Variants in PPARGC1A observed in about 807,000 individuals in gnomAD.
PPARGC1A encodes PPARG coactivator 1 alpha, also known as peroxisome proliferator-activated receptor gamma coactivator 1-alpha.
PPARGC1A carries 25 observed loss-of-function variants against 88.7 expected under a neutral mutation model. The observed-to-expected ratio is 0.28, with a 90% confidence interval of 0.21 to 0.39. The LOEUF is 0.39. PPARGC1A is among the 10% of genes least tolerant of loss of function. PPARGC1A has a pLI of 1.00. For missense variants in PPARGC1A, 880 were observed against 968.7 expected (o/e 0.91, Z 1.22); for synonymous variants, 363 against 355.6 (o/e 1.02, Z -0.24).
At chr4:23,911,395 C>A in the PPARGC1A span, among the ~76,000 whole-genome samples, 1 of 152,116 alleles carries the variant, frequency 6.6e-6, no homozygotes, top group Non-Finnish European at 1.5e-5. Flanking sequence ...CAGGGGGCAG[C>A]GATGCGAACA....
the PPARGC1A span, among the ~76,000 whole-genome samples, chr4:24,032,469 C>T: frequency 2.0e-5 from 3 of 152,222 alleles, no homozygotes; most frequent in Non-Finnish European, 2.9e-5. Context: ...TACCATTCCT[C>T]CTGACTTGTA....
chr4:24,259,698 T>C, the PPARGC1A span, among the ~76,000 whole-genome samples: 3 of 152,204 alleles, frequency 2.0e-5, no homozygotes, highest in South Asian at 2.1e-4. Flanking sequence ...TAAATTCTAG[T>C]GTGAAGGCAC....
chr4:24,212,561 G>C, the PPARGC1A span, among the ~76,000 whole-genome samples: 1 of 152,114 alleles, frequency 6.6e-6, no homozygotes, highest in Non-Finnish European at 1.5e-5. Context: ...CTGGTGCCTG[G>C]TATACTCTCA....
At chr4:24,400,074 C>T in the PPARGC1A span, among the ~76,000 whole-genome samples, 1 of 152,156 alleles carries the variant, frequency 6.6e-6, no homozygotes, top group Admixed American at 6.5e-5. Context: ...GTGTGAGCCA[C>T]CACACCTGGG....
At chr4:24,140,034 C>T in the PPARGC1A span, among the ~76,000 whole-genome samples, 1 of 152,186 alleles carries the variant, frequency 6.6e-6, no homozygotes, top group African/African-American at 2.4e-5. Context: ...TCTCCAGGTA[C>T]CATGCCCACC....
At chr4:24,248,583 G>A in the PPARGC1A span, among the ~76,000 whole-genome samples, 3 of 152,070 alleles carry the variant, frequency 2.0e-5, no homozygotes, top group Non-Finnish European at 4.4e-5. Flanking sequence ...CTCCCCCAGC[G>A]ACCATGACAC....
the PPARGC1A span, among the ~76,000 whole-genome samples, chr4:24,409,044 G>A: frequency 1.6e-4 from 24 of 152,318 alleles, no homozygotes; most frequent in Non-Finnish European, 2.9e-4. Context: ...CCCACGTGCT[G>A]CTAAGGCTAA....
the PPARGC1A span, among the ~76,000 whole-genome samples, chr4:24,118,239 A>C: frequency 6.6e-6 from 1 of 152,170 alleles, no homozygotes; most frequent in Non-Finnish European, 1.5e-5. Context: ...TTTATGGGCC[A>C]AGGCAGGGAC....
At chr4:23,928,748 A>G in the PPARGC1A span, among the ~76,000 whole-genome samples, 1 of 79,614 alleles carries the variant, frequency 1.3e-5, no homozygotes, top group African/African-American at 4.6e-5. Context: ...GTACTTATCC[A>G]GCCACAAAAA....
At chr4:24,295,728 G>A in the PPARGC1A span, among the ~76,000 whole-genome samples, 1 of 149,522 alleles carries the variant, frequency 6.7e-6, no homozygotes, top group Non-Finnish European at 1.5e-5. Flanking sequence ...CGTATTATAT[G>A]CTACATTATA....
chr4:24,215,719 G>A, the PPARGC1A span, among the ~76,000 whole-genome samples: 1 of 152,156 alleles, frequency 6.6e-6, no homozygotes, highest in African/African-American at 2.4e-5. Flanking sequence ...CCTCCCTCCT[G>A]TAGGTAGAGA....
chr4:24,230,672 C>G, the PPARGC1A span, among the ~76,000 whole-genome samples: 1 of 152,052 alleles, frequency 6.6e-6, no homozygotes, highest in Non-Finnish European at 1.5e-5. Context: ...CATCTCTGAG[C>G]AGTGCGAAGA....
the PPARGC1A span, among the ~76,000 whole-genome samples, chr4:24,152,375 G>T: frequency 6.6e-6 from 1 of 152,184 alleles, no homozygotes; most frequent in Non-Finnish European, 1.5e-5. Flanking sequence ...CATGGTGAAT[G>T]ATCCTGGGAC....
chr4:23,869,341 T>C (rs1362032517), intron 2 of PPARGC1A, among the ~76,000 whole-genome samples: 1 of 152,078 alleles, frequency 6.6e-6, no homozygotes, highest in Non-Finnish European at 1.5e-5. Flanking sequence ...CTGCTCACAG[T>C]GGTCGAGGAG....
the PPARGC1A span, among the ~76,000 whole-genome samples, chr4:23,970,471 T>C: frequency 1.3e-5 from 2 of 152,134 alleles, no homozygotes; most frequent in Non-Finnish European, 2.9e-5. Context: ...CCCCTCCAGT[T>C]TTTCAAATCA....
chr4:24,425,815 A>T, the PPARGC1A span, among the ~76,000 whole-genome samples: 1 of 152,198 alleles, frequency 6.6e-6, no homozygotes. Context: ...TCAAATTGTC[A>T]TGGTGCCGAA....
In PPARGC1A at chr4:23,849,437, C is replaced by T. The variant is rs148205774; in HGVS notation, c.235-17686G>A. 8.0e-3 allele frequency among the ~76,000 whole-genome samples: 1,210 copies of T among 152,168 alleles called. 24 individuals are homozygous for T. Among genetic ancestry groups the T allele is most frequent in the South Asian group, 0.066 (318 of 4,820 alleles). On this transcript the variant is annotated intron_variant, in intron 2 of 12. Transcript: ENST00000264867. ...TCTACTTACATAATAAATTGACTAT[C>T]GCATAGCTGATAAAAAGGCTCACAG...
the PPARGC1A span, among the ~76,000 whole-genome samples, chr4:23,916,569 A>T: frequency 8.3e-4 from 123 of 149,050 alleles, 2 homozygotes; most frequent in East Asian, 3.7e-3. Context: ...CTGCTTTTTT[A>T]AAAAAAACAT....
At chr4:24,064,287 T>C in the PPARGC1A span, among the ~76,000 whole-genome samples, 5 of 152,182 alleles carry the variant, frequency 3.3e-5, no homozygotes, top group African/African-American at 1.2e-4. Flanking sequence ...CCTGGCTCTA[T>C]AGCAAGTGGG....
Sources: gnomAD v4.1 joint callset for allele counts (sites outside exome capture counted in the v4.1 genomes callset) on GRCh38, gnomAD v4.1.1 for gene constraint, MANE v1.5 for transcripts, NCBI Gene and HGNC (gene_info 2026-07-23, HGNC 2026-07-21) for gene names.